COL1A2: variants seen among roughly 807,000 people sequenced by gnomAD.
COL1A2 encodes collagen alpha-2(I) chain.
A neutral mutation model predicts 174.3 loss-of-function variants in COL1A2; 49 were observed. The ratio of observed to expected loss-of-function variants is 0.28; its 90% confidence interval spans 0.22 to 0.36. The LOEUF is 0.36. Among genes scored for constraint, COL1A2 ranks in the 10% least tolerant of loss-of-function variants. The probability of loss-of-function intolerance (pLI) is 1.00; values close to 1 mark genes in which losing one functional copy is unlikely to be tolerated. For synonymous variants in COL1A2, 655 were observed against 606.6 expected, an observed-to-expected ratio of 1.08 and a Z score of -1.17; for missense variants, 1,438 against 1,822.7, an observed-to-expected ratio of 0.79 and a Z score of 3.84.
At chr7:94,411,383 A>G (rs1791919483) in intron 23 of COL1A2, among the ~76,000 whole-genome samples, 1 of 152,162 alleles carries the variant, frequency 6.6e-6, no homozygotes, top group South Asian at 2.1e-4. Flanking sequence ...GGTTTTTGGA[A>G]GAATAGATCT....
Position 94,410,612 on chromosome 7 carries a change from C to G in COL1A2, c.1197+85C>G, listed in dbSNP as rs75402191. ...ACTGGGAATTGGTCAAAATTACTGA[C>G]TGTGTTTTCTTAGGCAAAAAAAGCA... On this transcript the variant is annotated intron_variant, in intron 21 of 51. Transcript: ENST00000297268. 2.8e-3 allele frequency: 3,411 copies of G among 1,212,258 alleles called. 11 individuals are homozygous for G. Among genetic ancestry groups the G allele is most frequent in the Non-Finnish European group, 3.5e-3 (2,902 of 839,294 alleles). 75.1% of individuals were successfully genotyped at this position (1,212,258 alleles called of 1,614,324 possible). A position where few individuals can be genotyped will look rare whatever the true frequency, so the allele number is the denominator to read the frequency against.
chr7:94,408,477 A>G, intron 15 of COL1A2, 97 bp downstream of exon 15: 2 of 1,397,408 alleles, frequency 1.4e-6, no homozygotes, highest in Non-Finnish European at 1.0e-6. Context: ...CATTTCAGAC[A>G]CTTTACCAAA....
chr7:94,417,627 T>G, intron 31 of COL1A2, 97 bp from the exon 32 acceptor site: 1 of 1,044,938 alleles, frequency 9.6e-7, no homozygotes, highest in Non-Finnish European at 1.5e-6. Context: ...GCAAGAAGCC[T>G]GTCTAGCTAG....
intron 25 of COL1A2, 23 bp from the exon 26 acceptor site, chr7:94,413,060 T>C: frequency 1.2e-6 from 2 of 1,612,870 alleles, no homozygotes; most frequent in Non-Finnish European, 1.7e-6. Flanking sequence ...TGTTCTTTGT[T>C]TTGTTTTTCA....
Position 94,424,065 on chromosome 7 carries a change from T to C in COL1A2, c.2566-271T>C, listed in dbSNP as rs1291834753. The C allele has an allele frequency of 7.1e-6, 3 of 421,084 alleles. No homozygotes were observed. The East Asian group carries it at 1.5e-4, about 21-fold the overall frequency. 26.1% of individuals were successfully genotyped at this position (421,084 alleles called of 1,614,324 possible). On this transcript the variant is annotated intron_variant, in intron 40 of 51. Transcript: ENST00000297268. ...GCCTAGAGGCTATAAAAACTCTATT[T>C]CACCACCCCAAGTGTCTTTATAAAT...
chr7:94,401,783 AAGG>A (rs1174750461), intron 6 of COL1A2, among the ~76,000 whole-genome samples, 163 bp downstream of exon 6: 2 of 152,092 alleles, frequency 1.3e-5, no homozygotes, highest in African/African-American at 4.8e-5. Context: ...AACATAAGTT[AAGG>A]AGTTCACTTT....
At chr7:94,401,199 T>G (rs1013841490) in intron 5 of COL1A2, among the ~76,000 whole-genome samples, 2 of 152,190 alleles carry the variant, frequency 1.3e-5, no homozygotes, top group African/African-American at 4.8e-5. Context: ...GATGTCCTCT[T>G]GAGCTCTGTC....
intron 25 of COL1A2, 61 bp downstream of exon 25, chr7:94,412,743 C>A: frequency 7.0e-7 from 1 of 1,422,238 alleles, no homozygotes; most frequent in Non-Finnish European, 9.9e-7. Flanking sequence ...TTACCAAACT[C>A]TAGTATTTAT....
rs552314227 is a variant in COL1A2 at position 94,427,544 on chromosome 7, G to A, written c.3268-83G>A. 149 of 1,495,154 alleles carry A rather than the reference G, an allele frequency of 1.0e-4. No individual in the cohort carries two copies. In the South Asian group the frequency reaches 1.6e-3, roughly 16 times the overall value. The allele number at this position is 1,495,154 out of a possible 1,614,324, so 92.6% of individuals were successfully genotyped here. On this transcript the variant is annotated intron_variant, in intron 48 of 51. Transcript: ENST00000297268. ...TGATGAGAACATGCTTCCGTGTGAA[G>A]CTCAACTGAAAATCTGCTGCCATGG...
At chr7:94,421,116 G>A in intron 38 of COL1A2, 54 bp downstream of exon 38, 2 of 1,591,558 alleles carry the variant, frequency 1.3e-6, no homozygotes, top group Non-Finnish European at 8.6e-7. Flanking sequence ...ATCTATTAAG[G>A]ACACTTGAAA....
chr7:94,401,766 T>G, intron 6 of COL1A2, 146 bp downstream of exon 6: 3 of 425,792 alleles, frequency 7.0e-6, no homozygotes, highest in South Asian at 7.4e-5. Context: ...GTTTTCAAAT[T>G]TATGAAAACA....
chr7:94,430,020 G>T (rs1314771020), intron 51 of COL1A2: 2 of 572,898 alleles, frequency 3.5e-6, no homozygotes, highest in Middle Eastern at 4.7e-4. Flanking sequence ...AATGTTGTTG[G>T]TTTTTTTGGT....
chr7:94,407,945 G>A lies in COL1A2; in HGVS notation c.639+54G>A, dbSNP rs569561559. 98 of 1,509,906 alleles carry A rather than the reference G, an allele frequency of 6.5e-5. 1 individual carries two copies. The East Asian group carries it at 2.1e-3, about 32-fold the overall frequency. 93.5% of individuals were successfully genotyped at this position (1,509,906 alleles called of 1,614,324 possible). ...TAAATGTGTACACTCTTTATGAGAT[G>A]GAACTTCTTTAATGTTTTTGCTAAT... On this transcript the variant is annotated intron_variant, in intron 13 of 51. Transcript: ENST00000297268.
Position 94,404,581 on chromosome 7 carries a change from C to G in COL1A2, c.305C>G (p.Pro102Arg), listed in dbSNP as rs780850548. ...PMGLMGPRGP[P>R]GAAGAPGPQG... ...GGCTTAATGGGACCTAGAGGCCCAC[C>G]TGGTGCAGCTGGAGCCCCAGTAAGT... The change falls in exon 7 of 52, where the codon CCT becomes CGT. Residue 102 changes from proline to arginine, a missense_variant. Transcript: ENST00000297268. 2 of 1,613,786 alleles carry G rather than the reference C, an allele frequency of 1.2e-6. No individual in the cohort carries two copies. Among genetic ancestry groups the G allele is most frequent in the Non-Finnish European group, 1.7e-6 (2 of 1,179,978 alleles).
chr7:94,429,085 C>G, intron 50 of COL1A2, 103 bp from the exon 51 acceptor site: 1 of 957,654 alleles, frequency 1.0e-6, no homozygotes, highest in Non-Finnish European at 1.5e-6. Context: ...TCTGAGTCTA[C>G]TCTTCCTGAG....
Position 94,397,047 on chromosome 7 carries a change from T to C in COL1A2, c.71-701T>C, listed in dbSNP as rs561178553. ...ATCTTTAATCCGGTTTTTCCATTTA[T>C]ACAAAACTCTTTCTCCGAGACAAAA... On this transcript the variant is annotated intron_variant, in intron 1 of 51. Transcript: ENST00000297268. Among the ~76,000 whole-genome samples, 13 of 152,318 alleles carry C rather than the reference T, an allele frequency of 8.5e-5. No individual in the cohort carries two copies. The East Asian group carries it at 1.3e-3, about 16-fold the overall frequency.
chr7:94,398,396 G>T lies in COL1A2; in HGVS notation c.96G>T (p.Lys32Asn). 2 of 950,168 alleles carry T rather than the reference G, an allele frequency of 2.1e-6. No individual in the cohort carries two copies. The highest frequency in any genetic ancestry group is 1.6e-5 in the South Asian group (1 of 61,192). 58.9% of individuals were successfully genotyped at this position (950,168 alleles called of 1,614,324 possible). Residue 32 changes from lysine to asparagine, a missense_variant and splice_region_variant, in exon 3 of 52, where the codon AAG becomes AAT. This residue lies in a region of COL1A2 where 281 missense variants were observed against 310.9 expected (regional missense o/e 0.90). Transcript: ENST00000297268. ...TTCTTTTCTAGGAAACTGTAAGAAA[G>T]GTAAGAGTACACTACTTCTCCATAA... ...CQSLQEETVR[K>N]GPAGDRGPRG...
In COL1A2 at chr7:94,427,170, G is replaced by A. The variant is rs762471505; in HGVS notation, c.3160-18G>A. 6.2e-7 allele frequency: 1 copy of A among 1,612,816 alleles called. No homozygotes were observed. The highest frequency in any genetic ancestry group is 8.5e-7 in the Non-Finnish European group (1 of 1,179,076). The stretch of plus-strand genomic sequence containing the variant: ...GGGATTCACCAGCTCACATGTACCT[G>A]GTGTCTGTCTTCCTTAGGGCCCTGC... On this transcript the variant is annotated intron_variant, in intron 47 of 51. Transcript: ENST00000297268.
chr7:94,417,104 A>G (rs970103168), intron 31 of COL1A2, among the ~76,000 whole-genome samples: 5 of 152,218 alleles, frequency 3.3e-5, no homozygotes, highest in South Asian at 2.1e-4. Context: ...AAATGTAAAC[A>G]TTAGTTGCAA....
Sources: gnomAD v4.1 joint callset for allele counts (sites outside exome capture counted in the v4.1 genomes callset) on GRCh38, gnomAD v4.1.1 for gene constraint, gnomAD v4.1.1 regional missense constraint, MANE v1.5 for transcripts, NCBI Gene and HGNC (gene_info 2026-07-23, HGNC 2026-07-21) for gene names.